The following HOXA3 variants were observed in gnomAD, a reference collection of about 807,000 sequenced individuals.
HOXA3 encodes the protein homeobox A3.
HOXA3 carries 8 observed loss-of-function variants against 30.3 expected under a neutral mutation model. The observed-to-expected ratio is 0.26, with a 90% CI of 0.15 to 0.48. The LOEUF (loss-of-function observed/expected upper bound fraction) is 0.48. HOXA3 is among the 20% of genes least tolerant of loss of function. The pLI is 0.99. For synonymous variants in HOXA3, 323 were observed against 273.1 expected, an observed-to-expected ratio of 1.18 and a Z score of -1.80; for missense variants, 653 against 614.4, an observed-to-expected ratio of 1.06 and a Z score of -0.66.
At chr7:27,129,540 C>G (rs1785429691) in intron 2 of HOXA3, 1 of 1,613,942 alleles carries the variant, frequency 6.2e-7, no homozygotes, top group Admixed American at 1.7e-5. Flanking sequence ...TTCGAGAGCG[C>G]TTAGGCTCCC....
At chr7:27,110,842 T>A in intron 4 of HOXA3, 82 bp from the exon 5 acceptor site, 2 of 706,308 alleles carry the variant, frequency 2.8e-6, no homozygotes, top group Non-Finnish European at 2.2e-6. Flanking sequence ...ATGAAAGCCA[T>A]AAAAGAAAAA....
At chr7:27,151,319 G>A (rs1209052807) in intron 1 of HOXA3, 8 of 311,110 alleles carry the variant, frequency 2.6e-5, no homozygotes, top group Non-Finnish European at 4.4e-5. Flanking sequence ...CAAAGCCACC[G>A]CCAGCAGCAC....
intron 4 of HOXA3, among the ~76,000 whole-genome samples, chr7:27,118,502 G>T (rs1784849702): frequency 6.6e-6 from 1 of 152,220 alleles, no homozygotes; most frequent in Non-Finnish European, 1.5e-5. Context: ...GGGAGGGTAG[G>T]TGGGGAACCT....
chr7:27,117,417 G>A (rs1179329892), intron 4 of HOXA3, among the ~76,000 whole-genome samples: 1 of 152,054 alleles, frequency 6.6e-6, no homozygotes, highest in African/African-American at 2.4e-5. Context: ...AGGAGCCCCT[G>A]GGCATCCAGC....
intron 1 of HOXA3, chr7:27,142,166 AG>A: frequency 6.7e-7 from 1 of 1,483,252 alleles, no homozygotes. Context: ...GGTCATGAGC[AG>A]GGAACCCAGG....
At chr7:27,132,130 A>G (rs1785582312) in intron 2 of HOXA3, among the ~76,000 whole-genome samples, 1 of 152,184 alleles carries the variant, frequency 6.6e-6, no homozygotes, top group Admixed American at 6.5e-5. Context: ...TAGATCCTCT[A>G]CTTTTCAGCC....
chr7:27,110,733 C>T lies in HOXA3; in HGVS notation c.-93G>A. On this transcript the variant is annotated 5_prime_UTR_variant, in exon 5 of 6. Transcript: ENST00000612286. ...CACGCCCCCGCGGTCACGTGACACTCCGCCGCCAATGGCCGCCCCGCGCAG... is the reference window on the plus strand; with the variant it reads ...CACGCCCCCGCGGTCACGTGACACTTCGCCGCCAATGGCCGCCCCGCGCAG... The T allele has an allele frequency of 2.6e-6, 4 of 1,565,686 alleles. No individual in the cohort carries two copies. Among genetic ancestry groups the T allele is most frequent in the South Asian group, 2.3e-5 (2 of 88,182 alleles).
chr7:27,118,146 C>T (rs1396652764), intron 4 of HOXA3, among the ~76,000 whole-genome samples: 4 of 152,216 alleles, frequency 2.6e-5, no homozygotes, highest in African/African-American at 9.6e-5. Flanking sequence ...GGCGGAAATA[C>T]CTTAAAATAA....
chr7:27,130,992 G>C (rs1253911236), intron 2 of HOXA3, among the ~76,000 whole-genome samples: 1 of 152,118 alleles, frequency 6.6e-6, no homozygotes, highest in Non-Finnish European at 1.5e-5. Flanking sequence ...CGCGCGCGCG[G>C]ACCCGGATCA....
At chr7:27,138,276 G>A (rs1226068140) in intron 2 of HOXA3, among the ~76,000 whole-genome samples, 1 of 152,116 alleles carries the variant, frequency 6.6e-6, no homozygotes, top group Non-Finnish European at 1.5e-5. Context: ...CTTGTGGGAG[G>A]GTTTTGATTT....
At chr7:27,130,083 C>A in intron 2 of HOXA3, 1 of 1,563,742 alleles carries the variant, frequency 6.4e-7, no homozygotes. Context: ...CCAGCCCCGG[C>A]CCACCTCCCG....
At chr7:27,130,581 C>T in intron 2 of HOXA3, 1 of 1,504,730 alleles carries the variant, frequency 6.6e-7, no homozygotes, top group Non-Finnish European at 8.9e-7. Context: ...GCGGCAGGTG[C>T]TGGGTCGGGG....
chr7:27,117,382 C>T (rs1330765146), intron 4 of HOXA3, among the ~76,000 whole-genome samples: 1 of 152,190 alleles, frequency 6.6e-6, no homozygotes, highest in East Asian at 1.9e-4. Context: ...CTCCCTCCTT[C>T]CTCTGTCTCC....
intron 1 of HOXA3, chr7:27,145,917 C>T (rs755736796): frequency 1.2e-6 from 2 of 1,612,190 alleles, no homozygotes; most frequent in Non-Finnish European, 8.5e-7. Flanking sequence ...ATACACAGCA[C>T]CTACGAGCAG....
chr7:27,146,565 G>A (rs1299746213), intron 1 of HOXA3, among the ~76,000 whole-genome samples: 1 of 152,180 alleles, frequency 6.6e-6, no homozygotes, highest in Non-Finnish European at 1.5e-5. Flanking sequence ...GGGATTCCCT[G>A]TGGAGTCCTT....
chr7:27,150,107 A>T (rs1782917335), intron 1 of HOXA3: 1 of 84,264 alleles, frequency 1.2e-5, no homozygotes, highest in South Asian at 4.1e-4. Context: ...TTACATTGGA[A>T]TCTTTACATG....
chr7:27,147,456 G>A (rs1364752798), intron 1 of HOXA3: 1 of 1,614,204 alleles, frequency 6.2e-7, no homozygotes, highest in Non-Finnish European at 8.5e-7. Flanking sequence ...AGTCCCCGGG[G>A]CCCCTCTGCT....
chr7:27,142,220 C>T, intron 1 of HOXA3: 1 of 857,314 alleles, frequency 1.2e-6, no homozygotes, highest in Non-Finnish European at 1.8e-6. Flanking sequence ...GCACACCCCT[C>T]CCGAATTTCC....
intron 1 of HOXA3, chr7:27,143,491 G>C: frequency 1.2e-6 from 2 of 1,613,906 alleles, no homozygotes; most frequent in Non-Finnish European, 1.7e-6. Flanking sequence ...CGGAGTGCAT[G>C]CTCGCCGAGT....
Sources: gnomAD v4.1 joint callset for allele counts (sites outside exome capture counted in the v4.1 genomes callset) on GRCh38, gnomAD v4.1.1 for gene constraint, MANE v1.5 for transcripts, NCBI Gene and HGNC (gene_info 2026-07-23, HGNC 2026-07-21) for gene names.